LTBP1: variants seen among roughly 807,000 people sequenced by gnomAD.
LTBP1 encodes latent transforming growth factor beta binding protein 1.
In LTBP1, 129 loss-of-function variants were observed where a neutral mutation model predicts 207.6. The ratio of observed to expected loss-of-function variants is 0.62; its 90% CI spans 0.54 to 0.72. The LOEUF (loss-of-function observed/expected upper bound fraction) is 0.72, where lower values mean the gene tolerates loss of function less well. Ranked by LOEUF, LTBP1 falls within the 30% of genes least tolerant of loss-of-function variation. The pLI, the probability that LTBP1 is intolerant of heterozygous loss-of-function variation, is 0.00. For synonymous variants in LTBP1, 963 were observed against 833.7 expected (o/e 1.16, Z -2.67); for missense variants, 2,281 against 2,217.2 (o/e 1.03, Z -0.58).
intron 2 of LTBP1, among the ~76,000 whole-genome samples, chr2:32,976,534 G>A (rs982035959): frequency 6.6e-6 from 1 of 152,226 alleles, no homozygotes; most frequent in African/African-American, 2.4e-5. Context: ...GGCTCTTACC[G>A]TACTGCAAAG....
intron 7 of LTBP1, among the ~76,000 whole-genome samples, chr2:33,193,807 A>G (rs1158313661): frequency 1.3e-5 from 2 of 152,248 alleles, no homozygotes; most frequent in East Asian, 1.9e-4. Flanking sequence ...TAATTGATAC[A>G]TGTGTATTCT....
At chr2:33,204,136 G>T (rs2089627579) in intron 7 of LTBP1, among the ~76,000 whole-genome samples, 1 of 152,232 alleles carries the variant, frequency 6.6e-6, no homozygotes, top group African/African-American at 2.4e-5. Context: ...GTATATTGAA[G>T]AGGACAGAGT....
At chr2:33,379,068 T>C (rs1193638217) in intron 31 of LTBP1, among the ~76,000 whole-genome samples, 1 of 152,144 alleles carries the variant, frequency 6.6e-6, no homozygotes, top group Non-Finnish European at 1.5e-5. Context: ...AAGCCTTCTT[T>C]ATGCTTCCTT....
chr2:33,325,784 T>C (rs908635347), intron 24 of LTBP1, among the ~76,000 whole-genome samples: 1 of 152,208 alleles, frequency 6.6e-6, no homozygotes, highest in Admixed American at 6.5e-5. Flanking sequence ...GCTAAAACAC[T>C]CCACTTTTTT....
rs147032784 is a variant in LTBP1 at position 33,364,476 on chromosome 2, A to G, written c.4540+120A>G. 2.7e-5 allele frequency: 26 copies of G among 954,704 alleles called. No individual in the cohort carries two copies. In the Admixed American group the frequency reaches 3.4e-4, roughly 13 times the overall value. 59.1% of individuals were successfully genotyped at this position (954,704 alleles called of 1,614,324 possible). A position where few individuals can be genotyped will look rare whatever the true frequency, so the allele number is the denominator to read the frequency against. On this transcript the variant is annotated intron_variant, in intron 30 of 33. Transcript: ENST00000404816. Reference sequence around the variant, plus strand: ...ATTCCTTGGGTATTTTGAAATAACTAAAATGAGATACAATGAGATACTTAC... The same window carrying G: ...ATTCCTTGGGTATTTTGAAATAACTGAAATGAGATACAATGAGATACTTAC...
chr2:33,359,191 A>G (rs894297786), intron 26 of LTBP1, among the ~76,000 whole-genome samples: 3 of 152,202 alleles, frequency 2.0e-5, no homozygotes, highest in Non-Finnish European at 4.4e-5. Flanking sequence ...AATCAACTGG[A>G]TGAGGGATCT....
intron 7 of LTBP1, among the ~76,000 whole-genome samples, chr2:33,210,340 T>C (rs2090215217): frequency 6.6e-6 from 1 of 152,370 alleles, no homozygotes. Context: ...TGATTATGTT[T>C]ATCTCCAGTA....
At chr2:33,106,838 A>G (rs1048302836) in intron 3 of LTBP1, among the ~76,000 whole-genome samples, 1 of 152,200 alleles carries the variant, frequency 6.6e-6, no homozygotes, top group African/African-American at 2.4e-5. Flanking sequence ...TGTCCTTTGA[A>G]GCTTTGAAGT....
chr2:33,018,675 T>C (rs1227585476), intron 2 of LTBP1, among the ~76,000 whole-genome samples: 1 of 152,176 alleles, frequency 6.6e-6, no homozygotes, highest in Non-Finnish European at 1.5e-5. Context: ...TAGTTAGAAT[T>C]CTGAATTCTA....
chr2:33,122,029 GC>G (rs1278192140), intron 4 of LTBP1, among the ~76,000 whole-genome samples: 4 of 145,006 alleles, frequency 2.8e-5, no homozygotes, highest in Admixed American at 6.9e-5. Context: ...CCCCCACCCT[GC>G]CCCCCTCCAC....
At position 33,397,129 on chromosome 2, in the gene LTBP1, C is replaced by G. The variant is rs751940995; in HGVS notation, c.4835-4C>G. 1 of 1,612,932 alleles carries G rather than the reference C, an allele frequency of 6.2e-7. No individual in the cohort carries two copies. The highest frequency in any genetic ancestry group is 8.5e-7 in the Non-Finnish European group (1 of 1,179,276). ...TAACTTAGCTTCTGCCCTTTCCTTTCCAGGTTTTCTAAATAGCTTTGAGGA... is the reference window on the plus strand; with the variant it reads ...TAACTTAGCTTCTGCCCTTTCCTTTGCAGGTTTTCTAAATAGCTTTGAGGA... On this transcript the variant is annotated splice_polypyrimidine_tract_variant and splice_region_variant and intron_variant, in intron 32 of 33. Coordinates refer to ENST00000404816, the MANE Select transcript of LTBP1 (RefSeq NM_206943.4).
In LTBP1 at chr2:32,947,253, G is replaced by A; in HGVS notation, c.-72G>A. 8.8e-7 allele frequency: 1 copy of A among 1,141,158 alleles called. No homozygotes were observed. The highest frequency in any genetic ancestry group is 1.1e-6 in the Non-Finnish European group (1 of 912,656). The allele number at this position is 1,141,158 out of a possible 1,614,324, so 70.7% of individuals were successfully genotyped here. A position where few individuals can be genotyped will look rare whatever the true frequency, so the allele number is the denominator to read the frequency against. On this transcript the variant is annotated 5_prime_UTR_variant, in exon 1 of 34. Coordinates refer to ENST00000404816, the MANE Select transcript of LTBP1 (RefSeq NM_206943.4). ...CTCTCGGGGGAGCCCGAACGCGCGG[G>A]GAAAGGCGAGCCGCACGGCCGGGGG...
rs143254800 is a variant in LTBP1 at position 33,092,620 on chromosome 2, A to G, written c.864-17962A>G. On this transcript the variant is annotated intron_variant, in intron 3 of 33. Coordinates refer to ENST00000404816, the MANE Select transcript of LTBP1 (RefSeq NM_206943.4). ...ATGTTTTTTCTTGGAAGGAATAAAT[A>G]CTGGAAGGATGTTTCATAGGTGGAA... is the stretch of plus-strand genomic sequence containing the variant. Among the ~76,000 whole-genome samples, 39 of 130,056 alleles carry G rather than the reference A, an allele frequency of 3.0e-4. No individual in the cohort carries two copies. In the East Asian group the frequency reaches 9.3e-3, roughly 31 times the overall value. 85.3% of individuals were successfully genotyped at this position (130,056 alleles called of 152,430 possible). A position where few individuals can be genotyped will look rare whatever the true frequency, so the allele number is the denominator to read the frequency against.
chr2:33,025,823 A>G (rs1020617889), intron 3 of LTBP1, among the ~76,000 whole-genome samples: 2 of 152,190 alleles, frequency 1.3e-5, no homozygotes, highest in African/African-American at 4.8e-5. Flanking sequence ...TGATGGGTAC[A>G]TAGGGGTTTC....
At chr2:33,220,750 G>A (rs1222360098) in intron 8 of LTBP1, among the ~76,000 whole-genome samples, 1 of 152,212 alleles carries the variant, frequency 6.6e-6, no homozygotes, top group African/African-American at 2.4e-5. Context: ...TATGGGACAA[G>A]ACAGACCTGA....
chr2:33,290,940 C>T (rs1391409921), intron 19 of LTBP1, among the ~76,000 whole-genome samples: 1 of 152,204 alleles, frequency 6.6e-6, no homozygotes, highest in East Asian at 1.9e-4. Flanking sequence ...CCATTTGCAT[C>T]CACCAAGTGT....
intron 3 of LTBP1, among the ~76,000 whole-genome samples, chr2:33,046,480 G>A (rs1227559741): frequency 6.6e-6 from 1 of 152,200 alleles, no homozygotes. Context: ...GATCGTGGTG[G>A]ATAAGCTTTT....
At chr2:33,152,191 G>C (rs1417142790) in intron 5 of LTBP1, among the ~76,000 whole-genome samples, 1 of 151,918 alleles carries the variant, frequency 6.6e-6, no homozygotes, top group Non-Finnish European at 1.5e-5. Flanking sequence ...CTAATATCCA[G>C]AATCTACAAG....
intron 7 of LTBP1, among the ~76,000 whole-genome samples, chr2:33,213,947 C>A (rs1255214642): frequency 2.6e-5 from 4 of 152,150 alleles, no homozygotes; most frequent in Non-Finnish European, 5.9e-5. Context: ...AAACCTTGTA[C>A]CTTTCTGGAG....
Sources: gnomAD v4.1 joint callset for allele counts (sites outside exome capture counted in the v4.1 genomes callset) on GRCh38, gnomAD v4.1.1 for gene constraint, MANE v1.5 for transcripts, NCBI Gene and HGNC (gene_info 2026-07-23, HGNC 2026-07-21) for gene names.